Variants in CSMD2 observed in about 807,000 individuals in gnomAD.
The protein encoded by CSMD2 is CUB and sushi domain-containing protein 2.
In CSMD2, 130 loss-of-function variants were observed where a neutral mutation model predicts 398.5. The ratio of observed to expected loss-of-function variants is 0.33; its 90% CI spans 0.28 to 0.38. The LOEUF (loss-of-function observed/expected upper bound fraction) is 0.38, where lower values mean the gene tolerates loss of function less well. Among genes scored for constraint, CSMD2 ranks in the 10% least tolerant of loss-of-function variants. The pLI is 1.00. For synonymous variants in CSMD2, 1,828 were observed against 1,908.5 expected, an observed-to-expected ratio of 0.96 and a Z score of 1.10; for missense variants, 3,829 against 4,764.9, an observed-to-expected ratio of 0.80 and a Z score of 5.78.
intron 13 of CSMD2, among the ~76,000 whole-genome samples, chr1:33,750,005 T>C (rs976171105): frequency 2.6e-5 from 4 of 152,150 alleles, no homozygotes; most frequent in African/African-American, 7.2e-5. Flanking sequence ...AGAAAATCCT[T>C]CATGCAAAGT....
chr1:33,938,185 A>G (rs1644538459), intron 3 of CSMD2, among the ~76,000 whole-genome samples: 1 of 152,244 alleles, frequency 6.6e-6, no homozygotes, highest in South Asian at 2.1e-4. Flanking sequence ...GATGATCTAG[A>G]TGAAAAGATT....
At chr1:34,108,748 G>C (rs1660764161) in intron 1 of CSMD2, among the ~76,000 whole-genome samples, 1 of 152,224 alleles carries the variant, frequency 6.6e-6, no homozygotes, top group South Asian at 2.1e-4. Context: ...GCTCCATTCA[G>C]AATCCTGAGT....
chr1:33,720,354 T>C (rs1193797455), intron 19 of CSMD2, among the ~76,000 whole-genome samples: 11 of 151,956 alleles, frequency 7.2e-5, no homozygotes, highest in Non-Finnish European at 1.6e-4. Flanking sequence ...ATCATGGAGG[T>C]ATAGAATGCA....
At position 33,622,322 on chromosome 1, in the gene CSMD2, C is replaced by G. The variant is rs567298323; in HGVS notation, c.5723-51G>C. The G allele has an allele frequency of 9.9e-6, 13 of 1,318,954 alleles. No homozygotes were observed. The Admixed American group carries it at 2.2e-4, about 22-fold the overall frequency. 81.7% of individuals were successfully genotyped at this position (1,318,954 alleles called of 1,614,324 possible). On this transcript the variant is annotated intron_variant, in intron 36 of 70. Coordinates refer to ENST00000373381, the MANE Select transcript of CSMD2 (RefSeq NM_001281956.2). ...CATTTAAGTTTGGCTCCTCCAGGCC[C>G]TTGCATTCCTCCCCATTCCTCTGGA... is the stretch of plus-strand genomic sequence containing the variant.
At chr1:34,003,666 A>G (rs181933612) in intron 3 of CSMD2, among the ~76,000 whole-genome samples, 1 of 152,166 alleles carries the variant, frequency 6.6e-6, no homozygotes, top group Admixed American at 6.5e-5. Context: ...TTCTTCTCAT[A>G]TCCCCTTGGT....
chr1:33,951,053 G>T lies in CSMD2; in HGVS notation c.518-15099C>A, dbSNP rs138449270. Among the ~76,000 whole-genome samples, 650 of 152,188 alleles carry T rather than the reference G, an allele frequency of 4.3e-3. 6 individuals are homozygous for T. The highest frequency in any genetic ancestry group is 0.013 in the African/African-American group (519 of 41,516). On this transcript the variant is annotated intron_variant, in intron 3 of 70. Coordinates refer to ENST00000373381, the MANE Select transcript of CSMD2 (RefSeq NM_001281956.2). ...GAACCCCAATTTCTCTTTCCCCTTG[G>T]TCCTCTATCTGACAATCTGACCCAC...
At chr1:33,794,659 T>C (rs184367239) in intron 10 of CSMD2, among the ~76,000 whole-genome samples, 1 of 152,302 alleles carries the variant, frequency 6.6e-6, no homozygotes, top group Non-Finnish European at 1.5e-5. Flanking sequence ...TATGGAAGGG[T>C]TGGCAGTAAA....
At chr1:34,154,249 G>A (rs75293882) in intron 1 of CSMD2, among the ~76,000 whole-genome samples, 2 of 152,312 alleles carry the variant, frequency 1.3e-5, no homozygotes, top group East Asian at 3.9e-4. Flanking sequence ...AGGTACTCAT[G>A]AGGACGTGGG....
At chr1:34,151,779 C>T (rs1277436467) in intron 1 of CSMD2, among the ~76,000 whole-genome samples, 1 of 151,700 alleles carries the variant, frequency 6.6e-6, no homozygotes, top group Non-Finnish European at 1.5e-5. Context: ...CTTCTTTCCT[C>T]CCTCACTCCC....
At chr1:33,550,776 C>T (rs1321237162) in intron 55 of CSMD2, among the ~76,000 whole-genome samples, 1 of 152,200 alleles carries the variant, frequency 6.6e-6, no homozygotes, top group Admixed American at 6.5e-5. Context: ...TAGCCCTTTT[C>T]CATCTGCATC....
At chr1:34,033,589 T>C (rs1570888536) in intron 2 of CSMD2, among the ~76,000 whole-genome samples, 1 of 152,238 alleles carries the variant, frequency 6.6e-6, no homozygotes, top group African/African-American at 2.4e-5. Context: ...ACACAGGTCA[T>C]AGTGAGGTGG....
intron 50 of CSMD2, 84 bp downstream of exon 50, chr1:33,572,422 G>A (rs760548193): frequency 4.5e-6 from 5 of 1,117,046 alleles, no homozygotes; most frequent in Non-Finnish European, 6.0e-6. Flanking sequence ...TCATTACTTT[G>A]CTTTTAGCTC....
chr1:33,821,021 TA>T (rs1216673957), intron 7 of CSMD2, among the ~76,000 whole-genome samples: 1 of 152,066 alleles, frequency 6.6e-6, no homozygotes, highest in Non-Finnish European at 1.5e-5. Context: ...TCAGAAACGG[TA>T]AAGAATGTAA....
rs770070692 is a variant in CSMD2 at position 34,135,510 on chromosome 1, C to T, written c.187+29401G>A. ...GCACTTGCCTGTAGTCCCAGCTACT[C>T]GGGAGGCTAAGGCAGGAGAATCGCT... On this transcript the variant is annotated intron_variant, in intron 1 of 70. Coordinates refer to ENST00000373381, the MANE Select transcript of CSMD2 (RefSeq NM_001281956.2). Among the ~76,000 whole-genome samples the T allele has an allele frequency of 4.7e-5, 7 of 148,688 alleles. No homozygotes were observed. The East Asian group carries it at 1.0e-3, about 22-fold the overall frequency.
chr1:34,125,039 C>T (rs1662595299), intron 1 of CSMD2, among the ~76,000 whole-genome samples: 1 of 152,036 alleles, frequency 6.6e-6, no homozygotes, highest in Admixed American at 6.5e-5. Flanking sequence ...TGACCCAGTC[C>T]CTGCCCTTGA....
chr1:33,550,041 C>T, intron 56 of CSMD2, 136 bp downstream of exon 56: 1 of 826,400 alleles, frequency 1.2e-6, no homozygotes, highest in Non-Finnish European at 1.9e-6. Context: ...TGCTTTCTAC[C>T]TGTTAGGGTA....
At chr1:33,879,418 G>A (rs759853367) in intron 5 of CSMD2, among the ~76,000 whole-genome samples, 19 of 152,162 alleles carry the variant, frequency 1.2e-4, no homozygotes, top group Non-Finnish European at 2.4e-4. Context: ...TTGTGAAACT[G>A]TTTCTGGATG....
intron 3 of CSMD2, among the ~76,000 whole-genome samples, chr1:33,959,231 G>A (rs1570632196): frequency 1.3e-5 from 2 of 152,278 alleles, no homozygotes; most frequent in Admixed American, 1.3e-4. Flanking sequence ...GGCGTGTGGT[G>A]ACACGTGTGA....
intron 13 of CSMD2, among the ~76,000 whole-genome samples, chr1:33,755,695 A>C (rs1648889379): frequency 6.6e-6 from 1 of 152,186 alleles, no homozygotes; most frequent in Admixed American, 6.5e-5. Context: ...TCTAGGCTGC[A>C]GTGCAGTGGT....
Sources: allele counts gnomAD v4.1 joint callset (sites outside exome capture counted in the v4.1 genomes callset), GRCh38; gene constraint gnomAD v4.1.1; transcripts MANE v1.5; gene names NCBI Gene and HGNC (gene_info 2026-07-23, HGNC 2026-07-21).